Variants in CDH4 observed in about 807,000 individuals in gnomAD.
CDH4 encodes the protein cadherin 4.
A neutral mutation model predicts 86.0 loss-of-function variants in CDH4; 33 were observed. The observed-to-expected ratio is 0.38, with a 90% CI of 0.29 to 0.51. The LOEUF (loss-of-function observed/expected upper bound fraction) is 0.51. CDH4 is among the 20% of genes least tolerant of loss of function. The pLI, the probability that CDH4 is intolerant of heterozygous loss-of-function variation, is 0.86. For synonymous variants in CDH4, 555 were observed against 549.4 expected, an observed-to-expected ratio of 1.01 and a Z score of -0.14; for missense variants, 1,114 against 1,307.4, an observed-to-expected ratio of 0.85 and a Z score of 2.28.
intron 2 of CDH4, among the ~76,000 whole-genome samples, chr20:61,270,326 GCTT>G (rs2084177285): frequency 6.6e-6 from 1 of 152,208 alleles, no homozygotes; most frequent in Admixed American, 6.5e-5. Flanking sequence ...GCAGCCTGCA[GCTT>G]CTTCTCAGGT....
At chr20:61,293,049 G>GC (rs2084332389) in intron 2 of CDH4, among the ~76,000 whole-genome samples, 2 of 152,180 alleles carry the variant, frequency 1.3e-5, no homozygotes, top group South Asian at 4.1e-4. Context: ...GCTCCCCGAG[G>GC]CTCAGGGCTC....
intron 3 of CDH4, among the ~76,000 whole-genome samples, chr20:61,757,802 G>A (rs13040843): frequency 0.054 from 8,260 of 152,246 alleles, 293 homozygotes; most frequent in Non-Finnish European, 0.078. Context: ...AGGGAGGAGC[G>A]AGTGGTACAG....
rs965301900 is a variant in CDH4, at chr20:61,501,711, T to C, written c.170-241852T>C. Among the ~76,000 whole-genome samples, 5 of 152,084 alleles carry C rather than the reference T, an allele frequency of 3.3e-5. No homozygotes were observed. The highest frequency in any genetic ancestry group is 1.2e-4 in the African/African-American group (5 of 41,412). ...GAAGAGGGTACTGGAATACTAGCTA[T>C]CTTCACAAGCACCACCCCGCCACTG... On this transcript the variant is annotated intron_variant, in intron 2 of 15. Transcript: ENST00000614565. The surrounding 1 kb of genome is among the most constrained non-coding windows in gnomAD (Gnocchi z 4.2).
rs138267823 is a variant in CDH4 at position 61,694,455 on chromosome 20, A to G, written c.170-49108A>G. Among the ~76,000 whole-genome samples, 100 of 152,294 alleles carry G rather than the reference A, an allele frequency of 6.6e-4. 1 individual carries two copies. The East Asian group carries it at 0.018, about 27-fold the overall frequency. On this transcript the variant is annotated intron_variant, in intron 2 of 15. Coordinates refer to ENST00000614565, the MANE Select transcript of CDH4 (RefSeq NM_001794.5). ...TCAAGATGACCCTTTGACTGAGGGA[A>G]ATGAGGAGGTAAACATATCTTTAAA...
At chr20:61,871,808 C>T (rs1983815141) in intron 6 of CDH4, among the ~76,000 whole-genome samples, 1 of 152,228 alleles carries the variant, frequency 6.6e-6, no homozygotes, top group Non-Finnish European at 1.5e-5. Flanking sequence ...AATTCACGTG[C>T]CATACAGCTT....
At chr20:61,864,489 CAT>C (rs1347928053) in intron 6 of CDH4, among the ~76,000 whole-genome samples, 3 of 138,734 alleles carry the variant, frequency 2.2e-5, no homozygotes, top group Non-Finnish European at 4.7e-5. Context: ...CAAGAAAACA[CAT>C]TGCTGGGAGA....
chr20:61,462,466 G>A (rs6143018), intron 2 of CDH4, among the ~76,000 whole-genome samples: 52,925 of 152,056 alleles, frequency 0.35, 11,131 homozygotes, highest in Admixed American at 0.49. Context: ...TAAATCAAGG[G>A]GGTGTAGTAA....
At chr20:61,375,954 C>CTTGGTGCTGGTGGTGGTGGTG (rs1473780187) in intron 2 of CDH4, among the ~76,000 whole-genome samples, 2 of 7,098 alleles carry the variant, frequency 2.8e-4, no homozygotes, top group Admixed American at 1.8e-3. Context: ...TGGTGGTGGT[C>CTTGGTGCTGGTGGTGGTGGTG]ATAGCACTGG....
At chr20:61,826,815 C>A (rs1311797827) in intron 4 of CDH4, among the ~76,000 whole-genome samples, 1 of 152,180 alleles carries the variant, frequency 6.6e-6, no homozygotes, top group Non-Finnish European at 1.5e-5. Flanking sequence ...TCCTACCTGT[C>A]TCCTCACCTC....
intron 2 of CDH4, among the ~76,000 whole-genome samples, chr20:61,372,464 C>G (rs988661665): frequency 2.6e-5 from 4 of 152,226 alleles, no homozygotes; most frequent in African/African-American, 4.8e-5. Flanking sequence ...CCCCATGGCT[C>G]TATTTGCAGA....
At chr20:61,583,206 C>T (rs74177964) in intron 2 of CDH4, among the ~76,000 whole-genome samples, 22,611 of 42,328 alleles carry the variant, frequency 0.53, 8,528 homozygotes, top group Non-Finnish European at 0.64. Context: ...GGACAGAGGG[C>T]TCTGCGGGGG....
rs34309371 is a variant in CDH4 at position 61,534,665 on chromosome 20, C to CTTTTTTTTTTTTTTTTTTTTTTTT, written c.170-208876_170-208875insTTTTTTTTTTTTTTTTTTTTTTTT. On this transcript the variant is annotated intron_variant, in intron 2 of 15. Transcript: ENST00000614565. The stretch of plus-strand genomic sequence containing the variant: ...CTTTCTTTCTTTTCTTTCTTTCTTT[C>CTTTTTTTTTTTTTTTTTTTTTTTT]TTTTTTTTTTTTTTTTTTTTTTGAG... 3.9e-4 allele frequency among the ~76,000 whole-genome samples: 30 copies of CTTTTTTTTTTTTTTTTTTTTTTTT among 76,048 alleles called. 1 individual carries two copies. Among genetic ancestry groups the CTTTTTTTTTTTTTTTTTTTTTTTT allele is most frequent in the African/African-American group, 2.4e-3 (22 of 9,306 alleles). The allele number at this position is 76,048 out of a possible 152,430, so 49.9% of individuals were successfully genotyped here.
chr20:61,743,553 C>G lies in CDH4; in HGVS notation c.170-10C>G, dbSNP rs778104752. The G allele has an allele frequency of 1.4e-5, 21 of 1,553,780 alleles. 1 individual carries two copies. The South Asian group carries it at 2.5e-4, about 18-fold the overall frequency. On this transcript the variant is annotated splice_polypyrimidine_tract_variant and intron_variant, in intron 2 of 15. Transcript: ENST00000614565. Reference sequence around the variant, plus strand: ...AAGCCGACCCTGACTCTCTCCCCCTCCTCTTGCAGTCAAGTTCAGCAGCTG... The same window carrying G: ...AAGCCGACCCTGACTCTCTCCCCCTGCTCTTGCAGTCAAGTTCAGCAGCTG...
At chr20:61,772,892 C>G in intron 3 of CDH4, 111 bp from the exon 4 acceptor site, 1 of 885,928 alleles carries the variant, frequency 1.1e-6, no homozygotes. Flanking sequence ...CAGCGTTACC[C>G]GCCTTCCCTC....
chr20:61,903,412 G>A lies in CDH4; in HGVS notation c.1189-7010G>A, dbSNP rs988008243. Among the ~76,000 whole-genome samples the A allele has an allele frequency of 6.6e-5, 10 of 152,188 alleles. 1 individual carries two copies. The highest frequency in any genetic ancestry group is 1.3e-4 in the Admixed American group (2 of 15,286). On this transcript the variant is annotated intron_variant, in intron 8 of 15. Transcript: ENST00000614565. ...ATACAAAAATTAGCTGGGCATGATG[G>A]CGGGTGCTTGTAATCCCAGCTACTC...
chr20:61,753,747 C>T (rs915672736), intron 3 of CDH4, among the ~76,000 whole-genome samples: 2 of 152,144 alleles, frequency 1.3e-5, no homozygotes, highest in Admixed American at 1.3e-4. Flanking sequence ...CACACGTCAG[C>T]GTTTATGAGG....
At chr20:61,313,933 T>C (rs1439574204) in intron 2 of CDH4, among the ~76,000 whole-genome samples, 1 of 152,086 alleles carries the variant, frequency 6.6e-6, no homozygotes, top group South Asian at 2.1e-4. Context: ...TGGGGTCCCA[T>C]CATGTTGCCC....
intron 2 of CDH4, among the ~76,000 whole-genome samples, chr20:61,519,065 C>T (rs1475973332): frequency 8.5e-5 from 13 of 152,224 alleles, no homozygotes; most frequent in Admixed American, 6.5e-4. Flanking sequence ...TTCTGTAAGT[C>T]GCTGAGTATG....
intron 2 of CDH4, among the ~76,000 whole-genome samples, chr20:61,529,081 A>G (rs1445730333): frequency 6.6e-6 from 1 of 152,262 alleles, no homozygotes; most frequent in Admixed American, 6.5e-5. Context: ...TCAAATCCAT[A>G]GGAAGGAATG....
Sources: gnomAD v4.1 joint callset for allele counts (sites outside exome capture counted in the v4.1 genomes callset) on GRCh38, gnomAD v4.1.1 for gene constraint, Gnocchi (gnomAD v3.1) non-coding constraint, MANE v1.5 for transcripts, NCBI Gene and HGNC (gene_info 2026-07-23, HGNC 2026-07-21) for gene names.